The following MMP26 variants were observed in gnomAD, a reference collection of about 807,000 sequenced individuals.
MMP26 encodes matrix metalloproteinase-26.
Under a neutral mutation model 31.0 loss-of-function variants are expected in MMP26, and 33 were observed. The ratio of observed to expected loss-of-function variants is 1.06; its 90% CI spans 0.81 to 1.42. The LOEUF (loss-of-function observed/expected upper bound fraction) is 1.42. Ranked by LOEUF, MMP26 falls within the 40% of genes most tolerant of loss-of-function variation. The pLI, the probability that MMP26 is intolerant of heterozygous loss-of-function variation, is 0.00. For missense variants in MMP26, 347 were observed against 316.1 expected, an observed-to-expected ratio of 1.10 and a Z score of -0.74; for synonymous variants, 122 against 114.9, an observed-to-expected ratio of 1.06 and a Z score of -0.40.
At chr11:4,975,459 A>G (rs1846723868) in intron 2 of MMP26, among the ~76,000 whole-genome samples, 1 of 152,056 alleles carries the variant, frequency 6.6e-6, no homozygotes, top group African/African-American at 2.4e-5. Flanking sequence ...TCTTCAGTGG[A>G]AAACTGAAGA....
rs1250465569 is a variant in MMP26, at chr11:4,860,044, T to C, written c.-145+92703T>C. 6.4e-6 allele frequency: 3 copies of C among 470,978 alleles called. No homozygotes were observed. In the Admixed American group the frequency reaches 7.1e-5, roughly 11 times the overall value. The allele number at this position is 470,978 out of a possible 1,614,324, so 29.2% of individuals were successfully genotyped here. ...AAGACAGTATGAATGAGACAAGACA[T>C]TGGAATGGCAGAAGGGTAGGCACTT... is the stretch of plus-strand genomic sequence containing the variant. On this transcript the variant is annotated intron_variant, in intron 2 of 7. Transcript: ENST00000380390.
intron 2 of MMP26, chr11:4,943,700 C>T (rs1846250733): frequency 5.7e-6 from 2 of 353,192 alleles, no homozygotes; most frequent in South Asian, 4.5e-5. Flanking sequence ...TTGAGAACCA[C>T]TGTTTAAGGA....
At chr11:4,966,827 T>A (rs968243462) in intron 2 of MMP26, among the ~76,000 whole-genome samples, 5 of 152,320 alleles carry the variant, frequency 3.3e-5, no homozygotes, top group Admixed American at 1.3e-4. Context: ...AGGCCTTTAA[T>A]GAAGGGAATT....
intron 1 of MMP26, among the ~76,000 whole-genome samples, chr11:4,714,920 TCACACACACACACA>T (rs66913726): frequency 3.5e-5 from 5 of 141,694 alleles, no homozygotes; most frequent in South Asian, 2.3e-4. Context: ...TCTCTCTCTC[TCACACACACACACA>T]CACACACACA....
chr11:4,821,845 C>A, intron 2 of MMP26: 1 of 1,613,378 alleles, frequency 6.2e-7, no homozygotes, highest in Non-Finnish European at 8.5e-7. Flanking sequence ...TACCAATGCC[C>A]GAATTGCCAA....
intron 1 of MMP26, among the ~76,000 whole-genome samples, chr11:4,716,103 A>G (rs1361682323): frequency 2.0e-5 from 3 of 152,228 alleles, no homozygotes; most frequent in East Asian, 1.9e-4. Flanking sequence ...AAGAAATTGG[A>G]GACCTCAACC....
chr11:4,774,309 A>G (rs1027462927), intron 2 of MMP26, among the ~76,000 whole-genome samples: 1 of 152,068 alleles, frequency 6.6e-6, no homozygotes, highest in African/African-American at 2.4e-5. Flanking sequence ...ACTTTTTAAT[A>G]ATGGCCATTC....
intron 5 of MMP26, among the ~76,000 whole-genome samples, 192 bp from the exon 6 acceptor site, chr11:4,991,179 A>G (rs962478824): frequency 2.0e-5 from 3 of 152,076 alleles, no homozygotes; most frequent in African/African-American, 7.2e-5. Flanking sequence ...CTTTCTTTTT[A>G]CCCTAGATAA....
At chr11:4,897,456 T>C (rs1294618420) in intron 2 of MMP26, among the ~76,000 whole-genome samples, 1 of 152,228 alleles carries the variant, frequency 6.6e-6, no homozygotes, top group Non-Finnish European at 1.5e-5. Flanking sequence ...TAATCCATTG[T>C]GACAAGTGCT....
rs1564819706 is a variant in MMP26 at position 4,986,928 on chromosome 11, T to TCC, written c.-144-1139_-144-1138insCC. ...CTTTCTCTCTCTCTCTCTCTCTCTCTCTCCCTCTCTCTCTCTCTCTCTCTC... is the reference window on the plus strand; with the variant it reads ...CTTTCTCTCTCTCTCTCTCTCTCTCTCCCTCCCTCTCTCTCTCTCTCTCTCTC... On this transcript the variant is annotated intron_variant, in intron 2 of 7. Transcript: ENST00000380390. Among the ~76,000 whole-genome samples, 506 of 102,428 alleles carry TCC rather than the reference T, an allele frequency of 4.9e-3. 41 individuals carry two copies. The highest frequency in any genetic ancestry group is 0.019 in the African/African-American group (471 of 24,480). The allele number at this position is 102,428 out of a possible 152,430, so 67.2% of individuals were successfully genotyped here.
chr11:4,980,170 T>C (rs1846792665), intron 2 of MMP26, among the ~76,000 whole-genome samples: 1 of 152,112 alleles, frequency 6.6e-6, no homozygotes, highest in East Asian at 1.9e-4. Context: ...GCATGTTTTA[T>C]GACAGTTTTT....
intron 2 of MMP26, among the ~76,000 whole-genome samples, chr11:4,780,344 C>A (rs1848841832): frequency 6.6e-6 from 1 of 152,054 alleles, no homozygotes; most frequent in South Asian, 2.1e-4. Context: ...ATCACTAACA[C>A]TTAGTATTGT....
chr11:4,967,940 T>C (rs1247583817), intron 2 of MMP26, among the ~76,000 whole-genome samples: 2 of 152,162 alleles, frequency 1.3e-5, no homozygotes, highest in Non-Finnish European at 2.9e-5. Context: ...GATTCTTTTA[T>C]TCAGAAAATA....
At chr11:4,927,038 C>A (rs2133587068) in intron 2 of MMP26, among the ~76,000 whole-genome samples, 1 of 152,276 alleles carries the variant, frequency 6.6e-6, no homozygotes, top group Admixed American at 6.5e-5. Context: ...CTCCACTAGA[C>A]TGCATGAGAC....
rs1240757826 is a variant in MMP26 at position 4,992,282 on chromosome 11, A to G, written c.*40A>G. ...ACTTATTCAACCTGTCCTTTCAGGGAGTTTATTGGAGGATCAAAGAACTGA... is the reference window on the plus strand; with the variant it reads ...ACTTATTCAACCTGTCCTTTCAGGGGGTTTATTGGAGGATCAAAGAACTGA... On this transcript the variant is annotated 3_prime_UTR_variant, in exon 8 of 8. Coordinates refer to ENST00000380390, the MANE Select transcript of MMP26 (RefSeq NM_021801.5). 5 of 1,583,248 alleles carry G rather than the reference A, an allele frequency of 3.2e-6. No homozygotes were observed. In the Admixed American group the frequency reaches 8.8e-5, roughly 28 times the overall value.
chr11:4,869,147 A>G (rs1850277925), intron 2 of MMP26, among the ~76,000 whole-genome samples: 2 of 152,248 alleles, frequency 1.3e-5, no homozygotes, highest in Admixed American at 1.3e-4. Context: ...CATTCAGGAT[A>G]TAGGCATGGG....
chr11:4,813,203 C>T (rs769714409), intron 2 of MMP26, among the ~76,000 whole-genome samples: 6 of 151,968 alleles, frequency 3.9e-5, no homozygotes, highest in Non-Finnish European at 8.8e-5. Flanking sequence ...AATAGTTATA[C>T]GTTGTATGCA....
intron 2 of MMP26, among the ~76,000 whole-genome samples, chr11:4,887,027 C>A (rs559069413): frequency 1.3e-5 from 2 of 151,796 alleles, no homozygotes; most frequent in East Asian, 3.9e-4. Context: ...TTTCATTATT[C>A]CTCCCTGTAT....
At chr11:4,927,692 T>C in intron 2 of MMP26, among the ~76,000 whole-genome samples, 1 of 151,964 alleles carries the variant, frequency 6.6e-6, no homozygotes, top group East Asian at 1.9e-4. Flanking sequence ...AGAGCTCAGG[T>C]TTGATGGTAG....
Sources: allele counts gnomAD v4.1 joint callset (sites outside exome capture counted in the v4.1 genomes callset), GRCh38; gene constraint gnomAD v4.1.1; transcripts MANE v1.5; gene names NCBI Gene and HGNC (gene_info 2026-07-23, HGNC 2026-07-21).